CSMD3: variants seen among roughly 807,000 people sequenced by gnomAD.
CSMD3 encodes the protein CUB and Sushi multiple domains 3.
CSMD3 carries 177 observed loss-of-function variants against 435.2 expected under a neutral mutation model. The ratio of observed to expected loss-of-function variants is 0.41; its 90% CI spans 0.36 to 0.46. The LOEUF is 0.46. Ranked by LOEUF, CSMD3 falls within the 20% of genes least tolerant of loss-of-function variation. The pLI is 0.34. For synonymous variants in CSMD3, 1,656 were observed against 1,520.5 expected, an observed-to-expected ratio of 1.09 and a Z score of -2.07; for missense variants, 4,265 against 4,504.6, an observed-to-expected ratio of 0.95 and a Z score of 1.52.
intron 1 of CSMD3, among the ~76,000 whole-genome samples, chr8:113,404,638 C>A (rs2094524582): frequency 2.6e-5 from 4 of 151,250 alleles, no homozygotes; most frequent in Admixed American, 2.6e-4. Context: ...ATCTATTCAG[C>A]AAACATTTTT....
At chr8:112,271,740 C>T (rs62514387) in intron 59 of CSMD3, among the ~76,000 whole-genome samples, 26,738 of 151,834 alleles carry the variant, frequency 0.18, 2,885 homozygotes, top group Middle Eastern at 0.33. Flanking sequence ...AGCACAAATC[C>T]GAACAAATGG....
In CSMD3 at chr8:112,335,331, T is replaced by A. The variant is rs770668487; in HGVS notation, c.7163A>T (p.His2388Leu). 1 of 1,613,672 alleles carries A rather than the reference T, an allele frequency of 6.2e-7. No homozygotes were observed. The highest frequency in any genetic ancestry group is 1.3e-5 in the African/African-American group (1 of 74,892). ...TTSGFFVLSY[H>L]AYQLRVCQPP... The stretch of plus-strand genomic sequence containing the variant: ...AGGAACTCTCAGATAATACCAACCG[T>A]GATAACTGAGCACAAAAAAGCCACT... Residue 2388 changes from histidine to leucine, a missense_variant and splice_region_variant, in exon 45 of 71, where the codon CAC (histidine) becomes CTC (leucine). Physicochemically the swap from His to Leu is moderately conservative, Grantham distance 99. Transcript: ENST00000297405.
intron 25 of CSMD3, among the ~76,000 whole-genome samples, chr8:112,556,498 C>T (rs949962888): frequency 1.3e-5 from 2 of 151,748 alleles, no homozygotes; most frequent in African/African-American, 2.4e-5. Context: ...CATTTTATGT[C>T]GAGGTAGCAG....
rs143137581 is a variant in CSMD3 at position 112,651,090 on chromosome 8, C to T, written c.3005-741G>A. ...CTCCAATCATGACAATAACAAATAT[C>T]TCCAAATACTGCTACACATTTCTTG... On this transcript the variant is annotated intron_variant, in intron 18 of 70. Coordinates refer to ENST00000297405, the MANE Select transcript of CSMD3 (RefSeq NM_198123.2). 8.8e-3 allele frequency among the ~76,000 whole-genome samples: 1,344 copies of T among 152,302 alleles called. 9 individuals are homozygous for T. The highest frequency in any genetic ancestry group is 0.041 in the Middle Eastern group (12 of 294).
At chr8:112,854,086 T>C in intron 11 of CSMD3, among the ~76,000 whole-genome samples, 1 of 152,226 alleles carries the variant, frequency 6.6e-6, no homozygotes, top group East Asian at 1.9e-4. Flanking sequence ...TCTGTCTACA[T>C]AGTTATTGCT....
At chr8:113,334,006 C>A (rs2094048784) in intron 1 of CSMD3, among the ~76,000 whole-genome samples, 1 of 151,708 alleles carries the variant, frequency 6.6e-6, no homozygotes, top group South Asian at 2.1e-4. Flanking sequence ...TAAATTTAAT[C>A]CTAAGTATTT....
Position 113,418,998 on chromosome 8 carries a change from G to A in CSMD3, c.178+17679C>T, listed in dbSNP as rs888149152. Among the ~76,000 whole-genome samples, 4 of 152,154 alleles carry A rather than the reference G, an allele frequency of 2.6e-5. No individual in the cohort carries two copies. In the East Asian group the frequency reaches 7.7e-4, roughly 29 times the overall value. On this transcript the variant is annotated intron_variant, in intron 1 of 70. Transcript: ENST00000297405. ...CTTCTGCACCTGCAAGAGATTTGGG[G>A]CCATCGTGATAAATATGGAGTTCAT...
intron 1 of CSMD3, among the ~76,000 whole-genome samples, chr8:113,419,768 AT>A (rs894364967): frequency 6.6e-6 from 1 of 151,684 alleles, no homozygotes; most frequent in African/African-American, 2.4e-5. Context: ...TATTAGAATT[AT>A]TTTTTTGCCA....
chr8:113,290,092 G>C (rs1258912090), intron 2 of CSMD3, among the ~76,000 whole-genome samples: 1 of 151,636 alleles, frequency 6.6e-6, no homozygotes, highest in African/African-American at 2.4e-5. Flanking sequence ...AATAATCTTT[G>C]TGATATGTTC....
rs531348004 is a variant in CSMD3 at position 112,378,588 on chromosome 8, C to T, written c.6136+1764G>A. ...AGAAAAGGGATATTGCATATTCTCA[C>T]GCATAGGTGGAAGCTAAAAAAGTTG... On this transcript the variant is annotated intron_variant, in intron 38 of 70. Coordinates refer to ENST00000297405, the MANE Select transcript of CSMD3 (RefSeq NM_198123.2). Among the ~76,000 whole-genome samples, 32 of 152,196 alleles carry T rather than the reference C, an allele frequency of 2.1e-4. No individual in the cohort carries two copies. The South Asian group carries it at 5.8e-3, about 28-fold the overall frequency.
chr8:113,337,678 T>C (rs1187648039), intron 1 of CSMD3, among the ~76,000 whole-genome samples: 5 of 151,974 alleles, frequency 3.3e-5, no homozygotes, highest in Non-Finnish European at 7.4e-5. Flanking sequence ...AATGATACCA[T>C]AAGGAAACTG....
intron 13 of CSMD3, among the ~76,000 whole-genome samples, chr8:112,775,990 A>G (rs554514739): frequency 2.6e-5 from 4 of 151,884 alleles, no homozygotes; most frequent in Admixed American, 6.6e-5. Context: ...AACTTCTAGC[A>G]TGATACTTGA....
chr8:112,963,245 G>A (rs557861473), intron 7 of CSMD3, among the ~76,000 whole-genome samples: 7 of 151,938 alleles, frequency 4.6e-5, no homozygotes, highest in Admixed American at 6.6e-5. Flanking sequence ...CGTGGGAATC[G>A]TAACAGCCCA....
chr8:113,039,478 T>C (rs2087508198), intron 5 of CSMD3, among the ~76,000 whole-genome samples: 1 of 152,288 alleles, frequency 6.6e-6, no homozygotes, highest in African/African-American at 2.4e-5. Flanking sequence ...CACCCTTGCA[T>C]ACATATGCAC....
chr8:112,341,350 C>T, intron 42 of CSMD3, 127 bp downstream of exon 42: 1 of 672,952 alleles, frequency 1.5e-6, no homozygotes, highest in Non-Finnish European at 2.5e-6. Flanking sequence ...AATTGAAGCT[C>T]ACCTTGGCTT....
chr8:112,827,293 G>A (rs1483944421), intron 12 of CSMD3, among the ~76,000 whole-genome samples: 2 of 148,818 alleles, frequency 1.3e-5, no homozygotes, highest in East Asian at 4.0e-4. Flanking sequence ...GGAGGACATA[G>A]CATCTATGCT....
At chr8:113,236,421 C>T (rs1005820482) in intron 3 of CSMD3, among the ~76,000 whole-genome samples, 2 of 152,280 alleles carry the variant, frequency 1.3e-5, no homozygotes, top group East Asian at 3.9e-4. Context: ...AGTCAAGAAC[C>T]TGAACTGGCC....
intron 6 of CSMD3, among the ~76,000 whole-genome samples, chr8:112,984,224 T>C (rs1241071804): frequency 1.3e-5 from 2 of 151,956 alleles, no homozygotes; most frequent in Non-Finnish European, 2.9e-5. Flanking sequence ...TAGAGATAAA[T>C]GTATTTCTTA....
At chr8:112,644,460 TAA>T (rs1205176487) in intron 20 of CSMD3, among the ~76,000 whole-genome samples, 1 of 152,076 alleles carries the variant, frequency 6.6e-6, no homozygotes, top group East Asian at 1.9e-4. Flanking sequence ...AAGTAGGTTG[TAA>T]AAGTTTTATG....
Sources: gnomAD v4.1 joint callset for allele counts (sites outside exome capture counted in the v4.1 genomes callset) on GRCh38, gnomAD v4.1.1 for gene constraint, MANE v1.5 for transcripts, NCBI Gene and HGNC (gene_info 2026-07-23, HGNC 2026-07-21) for gene names.